Variants in CCDC136 observed in about 807,000 individuals in gnomAD.
The protein encoded by CCDC136 is coiled-coil domain-containing protein 136.
CCDC136 carries 100 observed loss-of-function variants against 141.2 expected under a neutral mutation model. That is an observed-to-expected ratio of 0.71 (90% CI 0.60 to 0.84). CCDC136 has a LOEUF of 0.84. Among genes scored for constraint, CCDC136 ranks in the 40% least tolerant of loss-of-function variants. The pLI is 0.00. For synonymous variants in CCDC136, 474 were observed against 531.9 expected (o/e 0.89, Z 1.50); for missense variants, 1,206 against 1,379.4 (o/e 0.87, Z 1.99).
At chr7:128,804,618 C>G (rs190358347) in intron 4 of CCDC136, 32 bp from the exon 5 acceptor site, 1 of 1,352,620 alleles carries the variant, frequency 7.4e-7, no homozygotes, top group South Asian at 1.3e-5. Context: ...CCTTTCCTCC[C>G]GGTCTCATCT....
At chr7:128,791,053 C>T (rs1187599564), upstream of CCDC136, 1 of 158,450 alleles carries the variant, frequency 6.3e-6, no homozygotes, top group African/African-American at 2.4e-5. This position sits in a 1 kb window ranked among gnomAD's most constrained non-coding sequence, Gnocchi z 7.1. Flanking sequence ...AACAGTCCCA[C>T]CTCGTCCTTT....
At position 128,810,255 on chromosome 7, in the gene CCDC136, A is replaced by G. The variant is rs569759027; in HGVS notation, c.1917A>G (p.Gln639=). Residue 639 remains glutamine, a synonymous_variant, in exon 12 of 18, where the codon CAA becomes CAG. Transcript: ENST00000297788. ...IQNQDCVLKE[Q]LEIHEELRRF... ...ACCAAGACTGTGTATTAAAAGAACA[A>G]TTAGAGATCCACGAAGAGCTGCGAC... 1.5e-5 allele frequency: 24 copies of G among 1,613,832 alleles called. 1 individual carries two copies. In the South Asian group the frequency reaches 2.6e-4, roughly 18 times the overall value.
rs767482423 is a variant in CCDC136, at chr7:128,804,744, A to G, written c.765A>G (p.Ala255=). ...ESNSSLTGQL[A]DLESERTQRA... is the part of the protein sequence containing the mutation. ...ACAGCAGCCTCACGGGGCAGCTTGC[A>G]GATCTGGAGAGTGAGAGGTACAGCT... Residue 255 remains alanine, a synonymous_variant, in exon 5 of 18, where the codon GCA becomes GCG. Transcript: ENST00000297788. 6.3e-7 allele frequency: 1 copy of G among 1,592,608 alleles called. No individual in the cohort carries two copies. The highest frequency in any genetic ancestry group is 2.3e-5 in the East Asian group (1 of 44,190).
At chr7:128,818,914 C>G (rs1490280780) in intron 17 of CCDC136, among the ~76,000 whole-genome samples, 1 of 152,200 alleles carries the variant, frequency 6.6e-6, no homozygotes, top group Non-Finnish European at 1.5e-5. Flanking sequence ...CGGAATGTAG[C>G]TTAATGCACA....
At chr7:128,818,280 G>A (rs1806946218) in intron 17 of CCDC136, 1 of 172,330 alleles carries the variant, frequency 5.8e-6, no homozygotes, top group African/African-American at 2.4e-5. Context: ...TTTAACTCCG[G>A]AGCCAAGTTC....
At chr7:128,804,593 G>A in intron 4 of CCDC136, 57 bp from the exon 5 acceptor site, 1 of 1,011,272 alleles carries the variant, frequency 9.9e-7, no homozygotes. Context: ...ACTGGGGGCT[G>A]GTCATCAGTG....
Position 128,806,129 on chromosome 7 carries a change from G to T in CCDC136, c.1090-108G>T, listed in dbSNP as rs562032462. 371 of 1,099,064 alleles carry T rather than the reference G, an allele frequency of 3.4e-4. 3 individuals are homozygous for T. The Middle Eastern group carries it at 4.5e-3, about 13-fold the overall frequency. 68.1% of individuals were successfully genotyped at this position (1,099,064 alleles called of 1,614,324 possible). A position where few individuals can be genotyped will look rare whatever the true frequency, so the allele number is the denominator to read the frequency against. ...ACAGAAGAAACCAAACCCTAGACCT[G>T]TGGGAGCTCCTCAAGATGTCTGCAT... On this transcript the variant is annotated intron_variant, in intron 7 of 17. Coordinates refer to ENST00000297788, the MANE Select transcript of CCDC136 (RefSeq NM_022742.5).
chr7:128,814,061 A>G (rs1011919196), intron 14 of CCDC136, among the ~76,000 whole-genome samples: 1 of 152,118 alleles, frequency 6.6e-6, no homozygotes, highest in Non-Finnish European at 1.5e-5. Flanking sequence ...GTCACAGTAG[A>G]AAACACCATT....
At position 128,804,782 on chromosome 7, in the gene CCDC136, T is replaced by C. The variant is rs185741973; in HGVS notation, c.782+21T>C. 172 of 1,464,124 alleles carry C rather than the reference T, an allele frequency of 1.2e-4. 1 individual carries two copies. The African/African-American group carries it at 2.2e-3, about 18-fold the overall frequency. 90.7% of individuals were successfully genotyped at this position (1,464,124 alleles called of 1,614,324 possible). A position where few individuals can be genotyped will look rare whatever the true frequency, so the allele number is the denominator to read the frequency against. On this transcript the variant is annotated intron_variant, in intron 5 of 17. Coordinates refer to ENST00000297788, the MANE Select transcript of CCDC136 (RefSeq NM_022742.5). ...GAGAGGTACAGCTGTCTCTGGAGAG[T>C]GAGAGGTCATGGGGTTCCACAGGAC...
intron 4 of CCDC136, among the ~76,000 whole-genome samples, chr7:128,802,191 C>A (rs910556887): frequency 1.3e-5 from 2 of 152,130 alleles, no homozygotes; most frequent in Non-Finnish European, 2.9e-5. Flanking sequence ...CATGAGGTAC[C>A]CAAAAGCCTA....
At position 128,815,829 on chromosome 7, in the gene CCDC136, A is replaced by G. The variant is rs56979796; in HGVS notation, c.3261A>G (p.Glu1087=). The change falls in exon 16 of 18, where the codon GAA becomes GAG. Residue 1087 remains glutamate, a synonymous_variant. Transcript: ENST00000297788. ...DQEENEEDKE[E]EEKEEDSEEE... is the part of the protein sequence containing the mutation. Reference sequence around the variant, plus strand: ...AGGAAAATGAAGAGGACAAAGAGGAAGAGGAGAAGGAAGAAGACAGTGAAG... The same window carrying G: ...AGGAAAATGAAGAGGACAAAGAGGAGGAGGAGAAGGAAGAAGACAGTGAAG... The G allele has an allele frequency of 2.6e-3, 4,254 of 1,612,078 alleles. 117 individuals are homozygous for G. In the African/African-American group the frequency reaches 0.05, roughly 19 times the overall value.
chr7:128,803,248 C>T (rs548433021), intron 4 of CCDC136, among the ~76,000 whole-genome samples: 1 of 152,262 alleles, frequency 6.6e-6, no homozygotes, highest in South Asian at 2.1e-4. Flanking sequence ...TCTAATGATC[C>T]TTCTACCTTG....
Position 128,812,786 on chromosome 7 carries a change from C to T in CCDC136, c.2620C>T (p.His874Tyr). Residue 874 changes from histidine to tyrosine, a missense_variant, in exon 14 of 18, where the codon CAC (histidine) becomes TAC (tyrosine). By Grantham distance (83) the His-to-Tyr change is moderately conservative. Transcript: ENST00000297788. ...QAMYQISQEE[H>Y]SQLQEQMEKL... ...CATGTACCAGATAAGCCAGGAGGAA[C>T]ACAGCCAGCTGCAAGAGCAGATGGA... 1 of 1,613,552 alleles carries T rather than the reference C, an allele frequency of 6.2e-7. No individual in the cohort carries two copies. The highest frequency in any genetic ancestry group is 1.1e-5 in the South Asian group (1 of 91,038).
chr7:128,805,754 C>A lies in CCDC136; in HGVS notation c.949-7C>A. On this transcript the variant is annotated splice_region_variant and splice_polypyrimidine_tract_variant and intron_variant, in intron 6 of 17. Coordinates refer to ENST00000297788, the MANE Select transcript of CCDC136 (RefSeq NM_022742.5). The surrounding 1 kb of genome is among the most constrained non-coding windows in gnomAD (Gnocchi z 4.6). ...AAACAAGCCTCCCTGTTCCATTTCCCACATAGTGTCAGGAATTGTGTTGTG... is the reference window on the plus strand; with the variant it reads ...AAACAAGCCTCCCTGTTCCATTTCCAACATAGTGTCAGGAATTGTGTTGTG... The A allele has an allele frequency of 6.2e-7, 1 of 1,610,616 alleles. No homozygotes were observed. The highest frequency in any genetic ancestry group is 8.5e-7 in the Non-Finnish European group (1 of 1,178,356).
chr7:128,811,947 G>C lies in CCDC136; in HGVS notation c.2176G>C (p.Glu726Gln). The C allele has an allele frequency of 6.2e-7, 1 of 1,614,028 alleles. No individual in the cohort carries two copies. The highest frequency in any genetic ancestry group is 8.5e-7 in the Non-Finnish European group (1 of 1,179,894). The change falls in exon 13 of 18, where the codon GAA becomes CAA. Residue 726 changes from glutamate to glutamine, a missense_variant. Coordinates refer to ENST00000297788, the MANE Select transcript of CCDC136 (RefSeq NM_022742.5). ...LQADLQLCLEEMQLLQVQSPS... is the reference protein window; with the variant it reads ...LQADLQLCLEQMQLLQVQSPS... ...GGCAGACTTGCAGCTCTGCCTGGAA[G>C]AAATGCAGCTGCTTCAAGTCCAGTC... is the stretch of plus-strand genomic sequence containing the variant.
At position 128,806,861 on chromosome 7, in the gene CCDC136, A is replaced by T; in HGVS notation, c.1419+3A>T. The T allele has an allele frequency of 2.5e-6, 4 of 1,596,286 alleles. No individual in the cohort carries two copies. Among genetic ancestry groups the T allele is most frequent in the East Asian group, 2.2e-5 (1 of 44,582 alleles). On this transcript the variant is annotated splice_donor_region_variant and intron_variant, in intron 9 of 17. Coordinates refer to ENST00000297788, the MANE Select transcript of CCDC136 (RefSeq NM_022742.5). ...CCTTCAAAGAGAGCAATGAGAAGGT[A>T]AAAGAAGCTCCTGGTGAGGGAGGAT...
upstream of CCDC136, chr7:128,791,706 C>T (rs1802191666): frequency 8.3e-6 from 4 of 481,350 alleles, no homozygotes; most frequent in Non-Finnish European, 1.3e-5. The surrounding 1 kb of genome is among the most constrained non-coding windows in gnomAD (Gnocchi z 7.1). Flanking sequence ...GGGGCCCGGT[C>T]TCCATCCTTC....
At chr7:128,793,424 G>A (rs1384512346) in intron 1 of CCDC136, among the ~76,000 whole-genome samples, 1 of 152,192 alleles carries the variant, frequency 6.6e-6, no homozygotes, top group African/African-American at 2.4e-5. Context: ...GAAAAACAAG[G>A]TGGACCTTGT....
At chr7:128,793,831 G>C (rs1031463069) in intron 1 of CCDC136, among the ~76,000 whole-genome samples, 1 of 152,108 alleles carries the variant, frequency 6.6e-6, no homozygotes, top group Admixed American at 6.6e-5. Context: ...GGGCTGGTTT[G>C]GAACTCCTGG....
Sources: allele counts gnomAD v4.1 joint callset (sites outside exome capture counted in the v4.1 genomes callset), GRCh38; gene constraint gnomAD v4.1.1; non-coding constraint Gnocchi (gnomAD v3.1); transcripts MANE v1.5; gene names NCBI Gene and HGNC (gene_info 2026-07-23, HGNC 2026-07-21).